SLC25A26: variants seen among roughly 807,000 people sequenced by gnomAD.
SLC25A26 encodes the protein solute carrier family 25 member 26.
In SLC25A26, 36 loss-of-function variants were observed where a neutral mutation model predicts 37.8. The ratio of observed to expected loss-of-function variants is 0.95; its 90% CI spans 0.73 to 1.26. The LOEUF is 1.26. SLC25A26 is among the 50% of genes most tolerant of loss of function. The probability of loss-of-function intolerance (pLI) is 0.00; values close to 1 mark genes in which losing one functional copy is unlikely to be tolerated. For missense variants in SLC25A26, 390 were observed against 331.1 expected (o/e 1.18, Z -1.38); for synonymous variants, 129 against 122.5 (o/e 1.05, Z -0.35).
chr3:66,228,350 T>C lies in SLC25A26; in HGVS notation c.33+7223T>C, dbSNP rs546668863. Among the ~76,000 whole-genome samples, 3 of 152,370 alleles carry C rather than the reference T, an allele frequency of 2.0e-5. No homozygotes were observed. In the South Asian group the frequency reaches 6.2e-4, roughly 32 times the overall value. On this transcript the variant is annotated intron_variant, in intron 1 of 9. Coordinates refer to ENST00000354883, the MANE Select transcript of SLC25A26 (RefSeq NM_001379210.1). ...AAGTTTTAGTATTTGATAACTTAGC[T>C]GTAAGTGACTTGTTAATGTGGTTTT...
In SLC25A26 at chr3:66,309,170, A is replaced by G. The variant is rs186586750; in HGVS notation, c.454-37194A>G. ...GCTCTTTTTGGTTGGTAGGCTATTA[A>G]TTACTGCATCAATTTCAGAACTTGT... On this transcript the variant is annotated intron_variant, in intron 5 of 9. Transcript: ENST00000354883. Among the ~76,000 whole-genome samples, 208 of 152,236 alleles carry G rather than the reference A, an allele frequency of 1.4e-3. 1 individual carries two copies. The highest frequency in any genetic ancestry group is 4.7e-3 in the African/African-American group (196 of 41,540).
chr3:66,318,375 G>A (rs555687655), intron 5 of SLC25A26, among the ~76,000 whole-genome samples: 181 of 152,306 alleles, frequency 1.2e-3, no homozygotes, highest in Non-Finnish European at 2.0e-3. Context: ...CTTTCAGGGA[G>A]GGGTAGCACA....
intron 5 of SLC25A26, among the ~76,000 whole-genome samples, chr3:66,277,444 A>T (rs1469919804): frequency 6.6e-6 from 1 of 152,052 alleles, no homozygotes; most frequent in Non-Finnish European, 1.5e-5. Context: ...GGGGTGGGTA[A>T]ATGGGGAGAT....
chr3:66,187,013 C>T (rs936044483), intron 1 of SLC25A26, among the ~76,000 whole-genome samples: 123 of 152,118 alleles, frequency 8.1e-4, no homozygotes, highest in Non-Finnish European at 1.3e-3. Context: ...GATTCTGACA[C>T]TCAAGCTGAC....
At chr3:66,267,847 A>G (rs1039330865) in intron 5 of SLC25A26, among the ~76,000 whole-genome samples, 5 of 152,128 alleles carry the variant, frequency 3.3e-5, no homozygotes, top group Non-Finnish European at 7.4e-5. Context: ...GTTTTCCCTT[A>G]ATATCCATGT....
intron 1 of SLC25A26, among the ~76,000 whole-genome samples, chr3:66,209,598 A>T (rs919092617): frequency 0.12 from 16,963 of 137,234 alleles, 1,330 homozygotes; most frequent in East Asian, 0.34. Flanking sequence ...TATATATATA[A>T]AAGGTATATA....
intron 5 of SLC25A26, among the ~76,000 whole-genome samples, chr3:66,328,282 T>C (rs1451060711): frequency 6.6e-6 from 1 of 152,144 alleles, no homozygotes; most frequent in Non-Finnish European, 1.5e-5. Context: ...CAGAAGGTGT[T>C]TCTTTATAGT....
At chr3:66,367,510 G>A (rs1376028820) in intron 7 of SLC25A26, among the ~76,000 whole-genome samples, 1 of 152,168 alleles carries the variant, frequency 6.6e-6, no homozygotes, top group East Asian at 1.9e-4. Context: ...TTAAGCGTTG[G>A]TCTTTCCAAC....
intron 1 of SLC25A26, among the ~76,000 whole-genome samples, chr3:66,190,071 G>A (rs1448613738): frequency 6.6e-6 from 1 of 152,310 alleles, no homozygotes; most frequent in African/African-American, 2.4e-5. Flanking sequence ...CGGCACTTTG[G>A]GAGGCCGAGG....
chr3:66,333,205 C>A (rs1292399449), intron 5 of SLC25A26, among the ~76,000 whole-genome samples: 1 of 152,164 alleles, frequency 6.6e-6, no homozygotes, highest in African/African-American at 2.4e-5. Context: ...CAAGGTCTTT[C>A]TTTGGCCCAA....
intron 1 of SLC25A26, among the ~76,000 whole-genome samples, chr3:66,146,840 C>G (rs1248342827): frequency 1.3e-5 from 2 of 152,152 alleles, no homozygotes; most frequent in Non-Finnish European, 2.9e-5. Context: ...TCACCTCCCA[C>G]TCTCCCCACT....
chr3:66,332,217 C>T (rs1027419941), intron 5 of SLC25A26, among the ~76,000 whole-genome samples: 3 of 152,110 alleles, frequency 2.0e-5, no homozygotes, highest in Non-Finnish European at 4.4e-5. Context: ...AGATTACAGG[C>T]GTGAGCCACC....
upstream of SLC25A26, among the ~76,000 whole-genome samples, chr3:66,220,234 C>T (rs182794776): frequency 1.3e-3 from 192 of 152,258 alleles, no homozygotes; most frequent in African/African-American, 4.4e-3. Context: ...GTGTTGCTGA[C>T]ATCATAGGGT....
At chr3:66,279,325 T>A (rs1254562997) in intron 5 of SLC25A26, among the ~76,000 whole-genome samples, 1 of 152,180 alleles carries the variant, frequency 6.6e-6, no homozygotes, top group African/African-American at 2.4e-5. Flanking sequence ...ATTTGCTGTT[T>A]CCTGAAGGCC....
chr3:66,256,153 T>C (rs1412833404), intron 3 of SLC25A26, among the ~76,000 whole-genome samples: 1 of 152,164 alleles, frequency 6.6e-6, no homozygotes, highest in African/African-American at 2.4e-5. Context: ...CCCTTTTCTT[T>C]CTCTTATTTT....
chr3:66,238,294 G>C (rs1157677325), intron 2 of SLC25A26, among the ~76,000 whole-genome samples: 1 of 152,160 alleles, frequency 6.6e-6, no homozygotes, highest in East Asian at 1.9e-4. Context: ...ATAGCCTGCT[G>C]CTGTCTTAAT....
intron 5 of SLC25A26, among the ~76,000 whole-genome samples, chr3:66,297,348 A>T (rs1353547605): frequency 6.7e-6 from 1 of 149,698 alleles, no homozygotes; most frequent in East Asian, 2.0e-4. Context: ...AAAAAAAAAA[A>T]GAATGTCTGG....
chr3:66,157,814 G>T (rs886508427), intron 1 of SLC25A26, among the ~76,000 whole-genome samples: 8 of 152,168 alleles, frequency 5.3e-5, no homozygotes, highest in African/African-American at 1.9e-4. Flanking sequence ...TTTGAGACAG[G>T]GTCTCGCTCT....
At chr3:66,351,474 T>A (rs1559728889) in intron 6 of SLC25A26, among the ~76,000 whole-genome samples, 1 of 152,176 alleles carries the variant, frequency 6.6e-6, no homozygotes, top group African/African-American at 2.4e-5. Flanking sequence ...ATTTCATGGT[T>A]TTTATTATCT....
Sources: allele counts gnomAD v4.1 joint callset (sites outside exome capture counted in the v4.1 genomes callset), GRCh38; gene constraint gnomAD v4.1.1; transcripts MANE v1.5; gene names NCBI Gene and HGNC (gene_info 2026-07-23, HGNC 2026-07-21).